The following DYNC1LI1 variants were observed in gnomAD, a reference collection of about 807,000 sequenced individuals.
The protein encoded by DYNC1LI1 is dynein cytoplasmic 1 light intermediate chain 1.
Under a neutral mutation model 63.8 loss-of-function variants are expected in DYNC1LI1, and 19 were observed. The ratio of observed to expected loss-of-function variants is 0.30; its 90% CI spans 0.21 to 0.44. DYNC1LI1 has a LOEUF of 0.44. Among genes scored for constraint, DYNC1LI1 ranks in the 20% least tolerant of loss-of-function variants. The pLI, the probability that DYNC1LI1 is intolerant of heterozygous loss-of-function variation, is 1.00. For missense variants in DYNC1LI1, 565 were observed against 630.2 expected, an observed-to-expected ratio of 0.90 and a Z score of 1.11; for synonymous variants, 225 against 232.3, an observed-to-expected ratio of 0.97 and a Z score of 0.28.
At chr3:32,551,002 TAAA>T (rs74270099) in intron 2 of DYNC1LI1, among the ~76,000 whole-genome samples, 1 of 128,146 alleles carries the variant, frequency 7.8e-6, no homozygotes. Context: ...AACAGCAAAT[TAAA>T]AAAAAAAAAA....
intron 5 of DYNC1LI1, among the ~76,000 whole-genome samples, chr3:32,537,958 TA>T (rs1697806710): frequency 3.7e-4 from 1 of 2,726 alleles, no homozygotes; most frequent in Non-Finnish European, 6.5e-4. Flanking sequence ...AATTTATATA[TA>T]TAATATATAT....
intron 9 of DYNC1LI1, 34 bp downstream of exon 9, chr3:32,530,427 C>A: frequency 1.2e-6 from 2 of 1,606,766 alleles, no homozygotes; most frequent in East Asian, 2.2e-5. Flanking sequence ...TACCCATTAA[C>A]CATACTAAGT....
At chr3:32,564,268 C>T (rs1299409507) in intron 2 of DYNC1LI1, among the ~76,000 whole-genome samples, 1 of 152,164 alleles carries the variant, frequency 6.6e-6, no homozygotes, top group Non-Finnish European at 1.5e-5. Context: ...AAGTTATGAT[C>T]GTGCCAGTGT....
intron 8 of DYNC1LI1, chr3:32,532,508 A>ATATATATATAT (rs1559434368): frequency 7.8e-4 from 98 of 124,976 alleles, no homozygotes; most frequent in African/African-American, 2.7e-3. Context: ...TATATATATA[A>ATATATATATAT]AATTGAAAGT....
chr3:32,561,131 A>T (rs1698188437), intron 2 of DYNC1LI1, among the ~76,000 whole-genome samples: 1 of 151,794 alleles, frequency 6.6e-6, no homozygotes, highest in Non-Finnish European at 1.5e-5. Context: ...GGTTGATTAC[A>T]ATGGCTATTA....
chr3:32,554,313 A>G (rs1433583669), intron 2 of DYNC1LI1, among the ~76,000 whole-genome samples: 1 of 152,216 alleles, frequency 6.6e-6, no homozygotes, highest in African/African-American at 2.4e-5. Flanking sequence ...TGTTTTAAGT[A>G]AACTTTACAA....
At chr3:32,563,325 T>C (rs7641277) in intron 2 of DYNC1LI1, among the ~76,000 whole-genome samples, 23,088 of 148,448 alleles carry the variant, frequency 0.16, 2,124 homozygotes, top group African/African-American at 0.25. Flanking sequence ...GAGTCTTGCT[T>C]GGTCACCCAG....
rs1469448130 is a variant in DYNC1LI1, at chr3:32,570,686, C to T, written c.85G>A (p.Glu29Lys). 1 of 1,607,550 alleles carries T rather than the reference C, an allele frequency of 6.2e-7. No homozygotes were observed. Among genetic ancestry groups the T allele is most frequent in the Non-Finnish European group, 8.5e-7 (1 of 1,177,154 alleles). ...GCGCCACCGTTGCCCGACGCTATCT[C>T]GTTGCCCAAGGGGCCGCCAGTGTAA... The part of the protein sequence containing the change: ...STYTGGPLGN[E>K]IASGNGGAAA... The change falls in exon 1 of 13, where the codon GAG becomes AAG. Residue 29 changes from glutamate to lysine, a missense_variant. Physicochemically the swap from Glu to Lys is moderately conservative, Grantham distance 56. Transcript: ENST00000273130.
chr3:32,538,034 A>AT (rs1491520089), intron 5 of DYNC1LI1, among the ~76,000 whole-genome samples: 1 of 10,096 alleles, frequency 9.9e-5, no homozygotes, highest in African/African-American at 1.3e-3. Context: ...TTATATATAT[A>AT]ATATATATAT....
chr3:32,542,702 G>A (rs1381442220), intron 4 of DYNC1LI1, among the ~76,000 whole-genome samples: 1 of 152,112 alleles, frequency 6.6e-6, no homozygotes, highest in African/African-American at 2.4e-5. Context: ...ACTGCGCCCA[G>A]CCCTATTTTC....
At chr3:32,555,031 G>C (rs1288383416) in intron 2 of DYNC1LI1, among the ~76,000 whole-genome samples, 1 of 151,882 alleles carries the variant, frequency 6.6e-6, no homozygotes, top group Non-Finnish European at 1.5e-5. Flanking sequence ...CACCATGCCC[G>C]GCTAGTTTTT....
chr3:32,546,546 C>T (rs1365061564), intron 2 of DYNC1LI1, among the ~76,000 whole-genome samples: 3 of 152,164 alleles, frequency 2.0e-5, no homozygotes, highest in African/African-American at 4.8e-5. Flanking sequence ...TAAAGTGAAA[C>T]ACCTTAGGTT....
intron 3 of DYNC1LI1, 136 bp downstream of exon 3, chr3:32,545,713 A>G: frequency 1.4e-6 from 1 of 718,524 alleles, no homozygotes; most frequent in Non-Finnish European, 2.5e-6. Context: ...ATGGCTAAAC[A>G]TAGCTATTTC....
At chr3:32,569,784 G>T (rs947137938) in intron 2 of DYNC1LI1, among the ~76,000 whole-genome samples, 2 of 152,190 alleles carry the variant, frequency 1.3e-5, no homozygotes, top group African/African-American at 4.8e-5. Context: ...GACTTAACTA[G>T]AAAGTTGTGT....
rs1435848182 is a variant in DYNC1LI1 at position 32,557,672 on chromosome 3, AAAAT to A, written c.221-11711_221-11708del. ...ACACAACACACCTAATAGTTCCAGT[AAAAT>A]AAAATAATTTACTTTATTCTACACA... On this transcript the variant is annotated intron_variant, in intron 2 of 12. Coordinates refer to ENST00000273130, the MANE Select transcript of DYNC1LI1 (RefSeq NM_016141.4). 3.3e-5 allele frequency among the ~76,000 whole-genome samples: 5 copies of A among 152,352 alleles called. No homozygotes were observed. The South Asian group carries it at 6.2e-4, about 19-fold the overall frequency.
At chr3:32,570,544 C>A (rs550652506) in intron 1 of DYNC1LI1, 81 bp downstream of exon 1, 20 of 1,507,756 alleles carry the variant, frequency 1.3e-5, no homozygotes, top group Non-Finnish European at 1.8e-5. Flanking sequence ...CGGCGCCGAG[C>A]TCCAGCGGGC....
chr3:32,561,002 CAAAAAAAAAAAAAAAAA>C (rs59037467), intron 2 of DYNC1LI1, among the ~76,000 whole-genome samples: 450 of 26,154 alleles, frequency 0.017, 7 homozygotes, highest in South Asian at 0.038. Context: ...AACTCCGTCT[CAAAAAAAAAAAAAAAAA>C]AAAAAAAAAA....
chr3:32,532,094 T>C (rs1456683455), intron 8 of DYNC1LI1: 5 of 152,190 alleles, frequency 3.3e-5, no homozygotes, highest in African/African-American at 7.2e-5. Context: ...TAGAACATTA[T>C]ACACTGCATG....
Position 32,545,945 on chromosome 3 carries a change from T to G in DYNC1LI1, c.241A>C (p.Thr81Pro). The G allele has an allele frequency of 6.2e-7, 1 of 1,607,634 alleles. No homozygotes were observed. Among genetic ancestry groups the G allele is most frequent in the South Asian group, 1.1e-5 (1 of 90,808 alleles). Residue 81 changes from threonine (T) to proline (P), a missense_variant, in exon 3 of 13, where the codon ACA becomes CCA. Thr to Pro is a conservative substitution (Grantham distance 38). Transcript: ENST00000273130. ...CCCTGAATTTTTCTTATTAAGCTTG[T>G]TTTTCCAGCTCCATCTTCACCTAGA... ...LLLGEDGAGK[T>P]SLIRKIQGIE...
Sources: gnomAD v4.1 joint callset for allele counts (sites outside exome capture counted in the v4.1 genomes callset) on GRCh38, gnomAD v4.1.1 for gene constraint, MANE v1.5 for transcripts, NCBI Gene and HGNC (gene_info 2026-07-23, HGNC 2026-07-21) for gene names.